The following WDFY4 variants were observed in gnomAD, a reference collection of about 807,000 sequenced individuals.
WDFY4 encodes the protein WD repeat- and FYVE domain-containing protein 4.
A neutral mutation model predicts 351.9 loss-of-function variants in WDFY4; 169 were observed. The observed-to-expected ratio is 0.48, with a 90% CI of 0.42 to 0.55. WDFY4 has a LOEUF of 0.55. WDFY4 is among the 20% of genes least tolerant of loss of function. The pLI, the probability that WDFY4 is intolerant of heterozygous loss-of-function variation, is 0.00. For missense variants in WDFY4, 3,803 were observed against 3,935.6 expected (o/e 0.97, Z 0.90); for synonymous variants, 1,622 against 1,574.6 (o/e 1.03, Z -0.71).
chr10:48,921,409 A>T (rs931505260), intron 47 of WDFY4, among the ~76,000 whole-genome samples: 14 of 152,226 alleles, frequency 9.2e-5, no homozygotes, highest in African/African-American at 3.4e-4. Context: ...GAAATTGGTT[A>T]TTTATATGCA....
chr10:48,953,128 T>C (rs1841411068), intron 51 of WDFY4, among the ~76,000 whole-genome samples: 2 of 152,076 alleles, frequency 1.3e-5, no homozygotes, highest in South Asian at 4.2e-4. Flanking sequence ...CTTCCATAAC[T>C]TCTATCCCCT....
At chr10:48,932,023 G>T (rs1054440660) in intron 47 of WDFY4, among the ~76,000 whole-genome samples, 4 of 152,212 alleles carry the variant, frequency 2.6e-5, no homozygotes, top group South Asian at 2.1e-4. Context: ...GAGCTGTGAG[G>T]CAAATAGAAG....
At chr10:48,978,640 A>G (rs1257107476) in intron 60 of WDFY4, 2 of 434,272 alleles carry the variant, frequency 4.6e-6, no homozygotes, top group Non-Finnish European at 8.3e-6. Context: ...GCATGTAACC[A>G]CCATCACCAA....
chr10:48,908,259 G>A (rs1395344008), intron 47 of WDFY4, among the ~76,000 whole-genome samples: 1 of 152,202 alleles, frequency 6.6e-6, no homozygotes, highest in African/African-American at 2.4e-5. Flanking sequence ...ACCACCAGGG[G>A]TGGGGAACAG....
chr10:48,897,515 T>G lies in WDFY4; in HGVS notation c.7378T>G (p.Cys2460Gly). The G allele has an allele frequency of 6.4e-7, 1 of 1,551,442 alleles. No individual in the cohort carries two copies. Among genetic ancestry groups the G allele is most frequent in the Non-Finnish European group, 8.7e-7 (1 of 1,147,026 alleles). Residue 2460 changes from cysteine to glycine, a missense_variant, in exon 45 of 62, where the codon TGC becomes GGC. This residue lies in a region of WDFY4 where 3,054 missense variants were observed against 3,148.6 expected (regional missense o/e 0.97). Coordinates refer to ENST00000325239, the MANE Select transcript of WDFY4 (RefSeq NM_001394531.1). ...AGACAGGTCCACTGACCATTACTCG[T>G]GCCAGTGCCACAGCTACGCTGACAT... ...SKDRSTDHYSCQCHSYADMRE... is the reference protein window; with the variant it reads ...SKDRSTDHYSGQCHSYADMRE...
intron 39 of WDFY4, among the ~76,000 whole-genome samples, chr10:48,855,944 T>C (rs940911133): frequency 1.3e-5 from 2 of 152,150 alleles, no homozygotes; most frequent in Non-Finnish European, 2.9e-5. Context: ...TATGTATGTA[T>C]AGAAAAACAG....
At chr10:48,977,195 T>G (rs1052267021) in intron 59 of WDFY4, 1 of 358,902 alleles carries the variant, frequency 2.8e-6, no homozygotes, top group Non-Finnish European at 4.9e-6. Flanking sequence ...GACACACACA[T>G]GCACACACAC....
rs1411167149 is a variant in WDFY4 at position 48,966,615 on chromosome 10, C to A, written c.8526C>A (p.His2842Gln). Reference sequence around the variant, plus strand: ...CCACCCCCGTGAGCCTGCCTGGCCACCCACAGCCCTTTTTCTACAGCCTGC... The same window carrying A: ...CCACCCCCGTGAGCCTGCCTGGCCAACCACAGCCCTTTTTCTACAGCCTGC... ...DVSTPVSLPGHPQPFFYSLQS... is the reference protein window; with the variant it reads ...DVSTPVSLPGQPQPFFYSLQS... Residue 2842 changes from histidine to glutamine, a missense_variant, in exon 55 of 62, where the codon CAC (histidine) becomes CAA (glutamine). His to Gln is a conservative substitution (Grantham distance 24). Coordinates refer to ENST00000325239, the MANE Select transcript of WDFY4 (RefSeq NM_001394531.1). The A allele has an allele frequency of 6.4e-7, 1 of 1,551,966 alleles. No homozygotes were observed. The highest frequency in any genetic ancestry group is 8.7e-7 in the Non-Finnish European group (1 of 1,147,046).
chr10:48,910,194 A>ATT, intron 47 of WDFY4: 1 of 894,132 alleles, frequency 1.1e-6, no homozygotes, highest in Non-Finnish European at 1.8e-6. Flanking sequence ...AGAGTCGTTT[A>ATT]TTCTGTTAGC....
At chr10:48,899,179 G>A (rs1413418126) in intron 45 of WDFY4, among the ~76,000 whole-genome samples, 1 of 152,128 alleles carries the variant, frequency 6.6e-6, no homozygotes, top group African/African-American at 2.4e-5. Context: ...GTCCATCCCT[G>A]GATTCTCCCA....
At chr10:48,919,560 G>C (rs1482687238) in intron 47 of WDFY4, among the ~76,000 whole-genome samples, 1 of 152,214 alleles carries the variant, frequency 6.6e-6, no homozygotes, top group Admixed American at 6.5e-5. Flanking sequence ...CAGAGGCTGG[G>C]AAGTCCAAAT....
At position 48,957,141 on chromosome 10, in the gene WDFY4, G is replaced by C; in HGVS notation, c.7990G>C (p.Asp2664His). 1 of 1,550,046 alleles carries C rather than the reference G, an allele frequency of 6.5e-7. No individual in the cohort carries two copies. Among genetic ancestry groups the C allele is most frequent in the Non-Finnish European group, 8.7e-7 (1 of 1,145,802 alleles). The change falls in exon 52 of 62, where the codon GAC becomes CAC. Residue 2664 changes from aspartate (D) to histidine (H), a missense_variant. Physicochemically the swap from Asp to His is moderately conservative, Grantham distance 81. Coordinates refer to ENST00000325239, the MANE Select transcript of WDFY4 (RefSeq NM_001394531.1). Reference protein sequence around the residue: ...AFCALQGGSFDVADRMFHSVK... With the variant: ...AFCALQGGSFHVADRMFHSVK... ...CCATTTCCCCCAGGGCGGAAGCTTC[G>C]ACGTGGCAGACAGAATGTTCCACAG...
At chr10:48,844,678 G>A (rs924189547) in intron 39 of WDFY4, among the ~76,000 whole-genome samples, 2 of 152,132 alleles carry the variant, frequency 1.3e-5, no homozygotes, top group Non-Finnish European at 2.9e-5. Context: ...ACTATCACAG[G>A]GAGTGACAGT....
Position 48,687,175 on chromosome 10 carries a change from A to C in WDFY4, c.-18+2174A>C, listed in dbSNP as rs572901984. Among the ~76,000 whole-genome samples the C allele has an allele frequency of 1.9e-4, 29 of 152,136 alleles. No individual in the cohort carries two copies. The South Asian group carries it at 6.0e-3, about 32-fold the overall frequency. On this transcript the variant is annotated intron_variant, in intron 1 of 61. Transcript: ENST00000325239. ...ATTTGGGGTCCCTTTTCCTGTTCAC[A>C]TTTTTTGGCCATTTCTCATCGGGTT...
At position 48,807,882 on chromosome 10, in the gene WDFY4, A is replaced by T; in HGVS notation, c.4762A>T (p.Thr1588Ser). ...AGCTGGAAGCCAAACATCTGGAAAG[A>T]CAATCTGGCTCAGAAACCAGTTGCT... ...LPAGSQTSGK[T>S]IWLRNQLLEM... The change falls in exon 28 of 62, where the codon ACA becomes TCA. Residue 1588 changes from threonine to serine, a missense_variant. Physicochemically the swap from Thr to Ser is moderately conservative, Grantham distance 58. This residue lies in a region of WDFY4 where 3,054 missense variants were observed against 3,148.6 expected (regional missense o/e 0.97). Transcript: ENST00000325239. 2 of 1,551,692 alleles carry T rather than the reference A, an allele frequency of 1.3e-6. No homozygotes were observed. Among genetic ancestry groups the T allele is most frequent in the Non-Finnish European group, 1.7e-6 (2 of 1,147,008 alleles).
intron 39 of WDFY4, among the ~76,000 whole-genome samples, chr10:48,842,929 T>TGGA (rs1554789236): frequency 6.6e-6 from 1 of 152,212 alleles, no homozygotes. Flanking sequence ...ACTGTTCTTT[T>TGGA]GGCCATGCAG....
intron 13 of WDFY4, among the ~76,000 whole-genome samples, chr10:48,767,242 C>T (rs987305140): frequency 1.5e-4 from 23 of 152,154 alleles, no homozygotes; most frequent in African/African-American, 5.3e-4. Flanking sequence ...GATATTTTCC[C>T]ATTGAGAAAA....
At chr10:48,830,609 G>A (rs1279751083) in intron 37 of WDFY4, 91 bp from the exon 38 acceptor site, 3 of 1,392,326 alleles carry the variant, frequency 2.2e-6, no homozygotes, top group African/African-American at 1.4e-5. Flanking sequence ...AGAAGGGTGT[G>A]GGTAAAACCA....
intron 2 of WDFY4, among the ~76,000 whole-genome samples, chr10:48,715,436 G>A (rs2063876645): frequency 6.6e-6 from 1 of 152,184 alleles, no homozygotes; most frequent in South Asian, 2.1e-4. Flanking sequence ...ATTTAGAGGT[G>A]AGTGTATTTT....
Sources: allele counts gnomAD v4.1 joint callset (sites outside exome capture counted in the v4.1 genomes callset), GRCh38; gene constraint gnomAD v4.1.1; regional missense constraint gnomAD v4.1.1; transcripts MANE v1.5; gene names NCBI Gene and HGNC (gene_info 2026-07-23, HGNC 2026-07-21).